The following ACOXL variants were observed in gnomAD, a reference collection of about 807,000 sequenced individuals.
ACOXL encodes acyl-CoA oxidase like.
In ACOXL, 70 loss-of-function variants were observed where a neutral mutation model predicts 71.9. That is an observed-to-expected ratio of 0.97 (90% confidence interval 0.80 to 1.19). The LOEUF (loss-of-function observed/expected upper bound fraction) is 1.19, where lower values mean the gene tolerates loss of function less well. ACOXL is among the 50% of genes most tolerant of loss of function. The pLI, the probability that ACOXL is intolerant of heterozygous loss-of-function variation, is 0.00. For missense variants in ACOXL, 703 were observed against 736.3 expected, an observed-to-expected ratio of 0.95 and a Z score of 0.52; for synonymous variants, 253 against 281.6, an observed-to-expected ratio of 0.90 and a Z score of 1.02.
At chr2:110,765,971 A>T (rs915389736) in intron 1 of ACOXL, among the ~76,000 whole-genome samples, 1 of 152,210 alleles carries the variant, frequency 6.6e-6, no homozygotes, top group African/African-American at 2.4e-5. Flanking sequence ...CATATTTTTC[A>T]GTTCTATGAG....
At chr2:111,053,483 G>T (rs2066395028) in intron 16 of ACOXL, among the ~76,000 whole-genome samples, 1 of 152,166 alleles carries the variant, frequency 6.6e-6, no homozygotes, top group Non-Finnish European at 1.5e-5. Flanking sequence ...GCCTAGATTT[G>T]AATCAAGGCC....
At chr2:110,892,154 A>G (rs889016558) in intron 10 of ACOXL, among the ~76,000 whole-genome samples, 6 of 152,118 alleles carry the variant, frequency 3.9e-5, no homozygotes, top group African/African-American at 7.2e-5. Flanking sequence ...TTAATTTTCA[A>G]TTATGTGCAA....
chr2:110,872,217 C>T (rs1695365052), intron 10 of ACOXL, among the ~76,000 whole-genome samples: 2 of 152,162 alleles, frequency 1.3e-5, no homozygotes, highest in East Asian at 1.9e-4. Context: ...CTGCCAGACA[C>T]CCTGAAGGAT....
chr2:111,070,308 G>GAAAATGTGGCT, intron 16 of ACOXL, among the ~76,000 whole-genome samples: 1 of 152,166 alleles, frequency 6.6e-6, no homozygotes, highest in Non-Finnish European at 1.5e-5. Flanking sequence ...TATACACCAT[G>GAAAATGTGGCT]GTATACTGTA....
intron 1 of ACOXL, among the ~76,000 whole-genome samples, chr2:110,747,425 A>G (rs1290488030): frequency 6.6e-6 from 1 of 152,244 alleles, no homozygotes; most frequent in Admixed American, 6.5e-5. Flanking sequence ...CATTGGCCAC[A>G]GGACTGGGTG....
At chr2:111,093,508 A>C (rs1248567280) in intron 17 of ACOXL, 4 of 1,614,028 alleles carry the variant, frequency 2.5e-6, no homozygotes, top group Non-Finnish European at 3.4e-6. Flanking sequence ...AAACACAAAC[A>C]GGTATAAGAC....
At chr2:110,790,881 A>T (rs1284747487) in intron 3 of ACOXL, among the ~76,000 whole-genome samples, 1 of 151,968 alleles carries the variant, frequency 6.6e-6, no homozygotes, top group Non-Finnish European at 1.5e-5. Flanking sequence ...CTTCTTGGAA[A>T]CTCAGGCCAC....
chr2:110,845,369 C>T lies in ACOXL; in HGVS notation c.788+3964C>T, dbSNP rs113271470. Among the ~76,000 whole-genome samples the T allele has an allele frequency of 4.7e-3, 723 of 152,258 alleles. 3 individuals carry two copies. The highest frequency in any genetic ancestry group is 0.015 in the African/African-American group (626 of 41,560). ...CATGGCTTAATCACCTTTTAAAGGC[C>T]CCACCTCTTAATATCATCACGTTGG... On this transcript the variant is annotated intron_variant, in intron 10 of 17. Coordinates refer to ENST00000439055, the MANE Select transcript of ACOXL (RefSeq NM_001142807.4).
intron 15 of ACOXL, among the ~76,000 whole-genome samples, chr2:111,038,839 A>C (rs1182594616): frequency 6.6e-6 from 1 of 152,254 alleles, no homozygotes; most frequent in East Asian, 1.9e-4. Flanking sequence ...CAAAACATTT[A>C]GCAAATAACC....
intron 1 of ACOXL, among the ~76,000 whole-genome samples, chr2:110,757,179 G>A (rs964709662): frequency 6.6e-6 from 1 of 152,182 alleles, no homozygotes; most frequent in African/African-American, 2.4e-5. Context: ...GCATTAGATT[G>A]CTGAGGATAA....
intron 1 of ACOXL, among the ~76,000 whole-genome samples, chr2:110,766,754 C>A (rs1372888067): frequency 6.6e-6 from 1 of 152,194 alleles, no homozygotes; most frequent in African/African-American, 2.4e-5. Flanking sequence ...ATTTACCTCG[C>A]ATCTTCTTGC....
chr2:110,834,862 C>T (rs1015477115), intron 9 of ACOXL, among the ~76,000 whole-genome samples: 6 of 152,222 alleles, frequency 3.9e-5, no homozygotes, highest in Non-Finnish European at 8.8e-5. Flanking sequence ...CACAACTTTT[C>T]AAGTCTGGGT....
chr2:111,040,232 A>C (rs1391839922), intron 15 of ACOXL, among the ~76,000 whole-genome samples: 1 of 152,218 alleles, frequency 6.6e-6, no homozygotes, highest in East Asian at 1.9e-4. Context: ...CACACAGACC[A>C]TGTTGGTCCT....
intron 9 of ACOXL, among the ~76,000 whole-genome samples, chr2:110,836,095 G>T (rs895432576): frequency 6.6e-6 from 1 of 152,192 alleles, no homozygotes; most frequent in Non-Finnish European, 1.5e-5. Context: ...GAAGACATCC[G>T]TGGCAGAGAC....
intron 16 of ACOXL, among the ~76,000 whole-genome samples, chr2:111,089,674 AG>A (rs2068418788): frequency 2.0e-5 from 3 of 152,238 alleles, no homozygotes. Context: ...ATGGGGGGAA[AG>A]GCTTAGTTAG....
At chr2:110,930,118 G>A (rs2060425663) in intron 11 of ACOXL, among the ~76,000 whole-genome samples, 1 of 152,230 alleles carries the variant, frequency 6.6e-6, no homozygotes, top group African/African-American at 2.4e-5. Flanking sequence ...ACCTGGAAAA[G>A]CTGCACTCAC....
intron 9 of ACOXL, among the ~76,000 whole-genome samples, chr2:110,825,132 C>T (rs1169384759): frequency 6.6e-6 from 1 of 152,222 alleles, no homozygotes; most frequent in Admixed American, 6.5e-5. Context: ...AGTTCATGCA[C>T]AGAATTAGGG....
At chr2:110,799,223 A>G in intron 7 of ACOXL, 123 bp downstream of exon 7, 1 of 891,408 alleles carries the variant, frequency 1.1e-6, no homozygotes, top group East Asian at 2.5e-5. Context: ...TTCCCCAGAG[A>G]AGATGTCCAG....
At chr2:110,794,684 G>A (rs1685069476) in intron 5 of ACOXL, among the ~76,000 whole-genome samples, 1 of 152,180 alleles carries the variant, frequency 6.6e-6, no homozygotes, top group African/African-American at 2.4e-5. Flanking sequence ...AAACAAGAGT[G>A]TCACCAAACG....
Sources: allele counts gnomAD v4.1 joint callset (sites outside exome capture counted in the v4.1 genomes callset), GRCh38; gene constraint gnomAD v4.1.1; transcripts MANE v1.5; gene names NCBI Gene and HGNC (gene_info 2026-07-23, HGNC 2026-07-21).